Variants in JAKMIP1 observed in about 807,000 individuals in gnomAD.
The protein encoded by JAKMIP1 is janus kinase and microtubule interacting protein 1.
In JAKMIP1, 33 loss-of-function variants were observed where a neutral mutation model predicts 113.0. That is an observed-to-expected ratio of 0.29 (90% confidence interval 0.22 to 0.39). The LOEUF is 0.39. Among genes scored for constraint, JAKMIP1 ranks in the 10% least tolerant of loss-of-function variants. The pLI, the probability that JAKMIP1 is intolerant of heterozygous loss-of-function variation, is 1.00. For synonymous variants in JAKMIP1, 480 were observed against 459.9 expected (o/e 1.04, Z -0.56); for missense variants, 813 against 1,080.5 (o/e 0.75, Z 3.47).
At chr4:6,196,675 A>G (rs1377019360) in intron 1 of JAKMIP1, among the ~76,000 whole-genome samples, 1 of 152,158 alleles carries the variant, frequency 6.6e-6, no homozygotes, top group East Asian at 1.9e-4. Context: ...CCTGGTTAAC[A>G]TGGTGAAACC....
chr4:6,119,722 C>G (rs958222481), intron 1 of JAKMIP1, among the ~76,000 whole-genome samples: 1 of 152,222 alleles, frequency 6.6e-6, no homozygotes, highest in Non-Finnish European at 1.5e-5. Flanking sequence ...CCCGGCTGAA[C>G]AGGGCTGCTC....
At position 6,168,385 on chromosome 4, in the gene JAKMIP1, A is replaced by G. The variant is rs1723922700; in HGVS notation, c.-148+31868T>C. ...TCCTAACACCCAACATGTGAACACA[A>G]CCCAAATGTGCATCAGTTACAGATG... On this transcript the variant is annotated intron_variant, in intron 1 of 20. Coordinates refer to ENST00000409021, the MANE Select transcript of JAKMIP1 (RefSeq NM_001099433.2). This position sits in a 1 kb window ranked among gnomAD's most constrained non-coding sequence, Gnocchi z 4.6. Among the ~76,000 whole-genome samples the G allele has an allele frequency of 6.6e-6, 1 of 152,196 alleles. No homozygotes were observed. Among genetic ancestry groups the G allele is most frequent in the African/African-American group, 2.4e-5 (1 of 41,450 alleles).
rs904538602 is a variant in JAKMIP1 at position 6,162,663 on chromosome 4, G to A, written c.-148+37590C>T. On this transcript the variant is annotated intron_variant, in intron 1 of 20. Coordinates refer to ENST00000409021, the MANE Select transcript of JAKMIP1 (RefSeq NM_001099433.2). The surrounding 1 kb of genome is among the most constrained non-coding windows in gnomAD (Gnocchi z 5.6). ...CATCTGTTAGCTCCTTAACTGTCAC[G>A]ACAACCTGTTAAGGGCACAGCATTA... Among the ~76,000 whole-genome samples, 3 of 152,136 alleles carry A rather than the reference G, an allele frequency of 2.0e-5. No individual in the cohort carries two copies. Among genetic ancestry groups the A allele is most frequent in the African/African-American group, 4.8e-5 (2 of 41,438 alleles).
Position 6,040,085 on chromosome 4 carries a change from G to A in JAKMIP1, c.2175+554C>T, listed in dbSNP as rs571117809. On this transcript the variant is annotated intron_variant, in intron 18 of 20. Coordinates refer to ENST00000409021, the MANE Select transcript of JAKMIP1 (RefSeq NM_001099433.2). The surrounding 1 kb of genome is among the most constrained non-coding windows in gnomAD (Gnocchi z 5.8). ...TCCACCCCGAAGGAGAATTTCTCTC[G>A]TGCCAGGAGCACTTAGCTTTGAGTG... Among the ~76,000 whole-genome samples the A allele has an allele frequency of 9.2e-5, 14 of 152,276 alleles. No individual in the cohort carries two copies. Among genetic ancestry groups the A allele is most frequent in the South Asian group, 6.2e-4 (3 of 4,828 alleles).
At chr4:6,041,849 C>T (rs893748728) in intron 17 of JAKMIP1, among the ~76,000 whole-genome samples, 4 of 152,194 alleles carry the variant, frequency 2.6e-5, no homozygotes, top group Non-Finnish European at 5.9e-5. Flanking sequence ...AGCTCATGAA[C>T]GCATGACCCT....
chr4:6,190,052 C>A (rs1167887035), intron 1 of JAKMIP1, among the ~76,000 whole-genome samples: 2 of 152,192 alleles, frequency 1.3e-5, no homozygotes, highest in African/African-American at 4.8e-5. Flanking sequence ...TGACTTCATT[C>A]ACTCAATCCT....
rs943562105 is a variant in JAKMIP1 at position 6,094,414 on chromosome 4, G to A, written c.625-8785C>T. ...GCCACTCCTACCCAACTGACAGGAGGAATCGTGCTAAGAAAACAGCCTGGC... is the reference window on the plus strand; with the variant it reads ...GCCACTCCTACCCAACTGACAGGAGAAATCGTGCTAAGAAAACAGCCTGGC... On this transcript the variant is annotated intron_variant, in intron 3 of 20. Transcript: ENST00000409021. This position sits in a 1 kb window ranked among gnomAD's most constrained non-coding sequence, Gnocchi z 4.2. 6.6e-6 allele frequency among the ~76,000 whole-genome samples: 1 copy of A among 152,212 alleles called. No individual in the cohort carries two copies. The highest frequency in any genetic ancestry group is 2.4e-5 in the African/African-American group (1 of 41,470).
Position 6,142,412 on chromosome 4 carries a change from A to C in JAKMIP1, c.-147-29415T>G, listed in dbSNP as rs1720290111. 6.6e-6 allele frequency among the ~76,000 whole-genome samples: 1 copy of C among 152,156 alleles called. No homozygotes were observed. The highest frequency in any genetic ancestry group is 2.1e-4 in the South Asian group (1 of 4,832). On this transcript the variant is annotated intron_variant, in intron 1 of 20. Transcript: ENST00000409021. This position sits in a 1 kb window ranked among gnomAD's most constrained non-coding sequence, Gnocchi z 5.5. ...CCTTCCCGAGTCCAGTGTTTTTTAA[A>C]CGACTGGTTTTTGCACCTCCAGCCA...
intron 1 of JAKMIP1, among the ~76,000 whole-genome samples, chr4:6,148,607 T>A (rs1721165967): frequency 6.6e-6 from 1 of 152,222 alleles, no homozygotes. Context: ...CCTGGTGCGC[T>A]CCCCTTGTGG....
rs1717422653 is a variant in JAKMIP1 at position 6,062,390 on chromosome 4, C to T, written c.1482G>A (p.Glu494=). 1.9e-6 allele frequency: 3 copies of T among 1,613,868 alleles called. No individual in the cohort carries two copies. The highest frequency in any genetic ancestry group is 2.5e-6 in the Non-Finnish European group (3 of 1,180,002). The part of the protein sequence containing the change: ...ADLRFCQLTR[E]YQALQRAYAL... The stretch of plus-strand genomic sequence containing the variant: ...CGTAGGCGCGTTGCAGGGCCTGGTA[C>T]TCCCGGGTCAGCTGGCAGAAGCGCA... Residue 494 remains glutamate (E), a synonymous_variant, in exon 10 of 21, where the codon GAG becomes GAA. Transcript: ENST00000409021.
rs116131078 is a variant in JAKMIP1 at position 6,140,516 on chromosome 4, T to C, written c.-147-27519A>G. Among the ~76,000 whole-genome samples the C allele has an allele frequency of 6.4e-3, 981 of 152,178 alleles. 12 individuals are homozygous for C. Among genetic ancestry groups the C allele is most frequent in the African/African-American group, 0.023 (933 of 41,466 alleles). On this transcript the variant is annotated intron_variant, in intron 1 of 20. Transcript: ENST00000409021. The surrounding 1 kb of genome is among the most constrained non-coding windows in gnomAD (Gnocchi z 9.4). ...CCGATCAGCTTAAGGCCCCTTCCAA[T>C]AATGTGGCTCGGGTCTTTCTGCAGG...
At chr4:6,048,458 G>A (rs754619354) in intron 16 of JAKMIP1, among the ~76,000 whole-genome samples, 8 of 152,378 alleles carry the variant, frequency 5.3e-5, no homozygotes, top group Non-Finnish European at 1.0e-4. Flanking sequence ...CAGTATAACT[G>A]TGTGATGGAG....
At position 6,116,616 on chromosome 4, in the gene JAKMIP1, C is replaced by CA. The variant is rs148310832; in HGVS notation, c.-147-3620dup. On this transcript the variant is annotated intron_variant, in intron 1 of 20. Transcript: ENST00000409021. The surrounding 1 kb of genome is among the most constrained non-coding windows in gnomAD (Gnocchi z 5.1). ...AACTGAAATATCTCTGCAGCCCACC[C>CA]ATCTCTGACATCACATGTCCCCTGT... Among the ~76,000 whole-genome samples, 13,595 of 152,228 alleles carry CA rather than the reference C, an allele frequency of 0.089. 814 individuals carry two copies. Among genetic ancestry groups the CA allele is most frequent in the African/African-American group, 0.17 (7,055 of 41,522 alleles).
Position 6,180,597 on chromosome 4 carries a change from GTT to G in JAKMIP1, c.-148+19654_-148+19655del, listed in dbSNP as rs1170094478. On this transcript the variant is annotated intron_variant, in intron 1 of 20. Coordinates refer to ENST00000409021, the MANE Select transcript of JAKMIP1 (RefSeq NM_001099433.2). The surrounding 1 kb of genome is among the most constrained non-coding windows in gnomAD (Gnocchi z 4.5). ...TAGCTCTCACTGTGTAGCAGGAACT[GTT>G]TCAAACTGTCCAAATTACCTAGTAT... is the stretch of plus-strand genomic sequence containing the variant. 6.6e-6 allele frequency among the ~76,000 whole-genome samples: 1 copy of G among 152,172 alleles called. No homozygotes were observed. The highest frequency in any genetic ancestry group is 1.5e-5 in the Non-Finnish European group (1 of 68,036).
chr4:6,044,116 G>T lies in JAKMIP1; in HGVS notation c.2029-1889C>A, dbSNP rs75235557. 2.0e-5 allele frequency among the ~76,000 whole-genome samples: 3 copies of T among 151,924 alleles called. No homozygotes were observed. Among genetic ancestry groups the T allele is most frequent in the Non-Finnish European group, 4.4e-5 (3 of 67,998 alleles). On this transcript the variant is annotated intron_variant, in intron 16 of 20. Coordinates refer to ENST00000409021, the MANE Select transcript of JAKMIP1 (RefSeq NM_001099433.2). This position sits in a 1 kb window ranked among gnomAD's most constrained non-coding sequence, Gnocchi z 4.4. ...CAGGAAGCCTACCCTGCTTGAGTCC[G>T]TGGGGTCAGCTAACCTCCATGGTGC...
At chr4:6,079,509 G>A (rs925995453) in intron 7 of JAKMIP1, among the ~76,000 whole-genome samples, 6 of 152,298 alleles carry the variant, frequency 3.9e-5, no homozygotes, top group Non-Finnish European at 8.8e-5. Context: ...ACCAGTGCAT[G>A]GAACCATCAC....
In JAKMIP1 at chr4:6,141,350, T is replaced by C. The variant is rs1230543554; in HGVS notation, c.-147-28353A>G. Among the ~76,000 whole-genome samples the C allele has an allele frequency of 1.3e-5, 2 of 151,644 alleles. No individual in the cohort carries two copies. Among genetic ancestry groups the C allele is most frequent in the Non-Finnish European group, 2.9e-5 (2 of 68,014 alleles). On this transcript the variant is annotated intron_variant, in intron 1 of 20. Coordinates refer to ENST00000409021, the MANE Select transcript of JAKMIP1 (RefSeq NM_001099433.2). This position sits in a 1 kb window ranked among gnomAD's most constrained non-coding sequence, Gnocchi z 9.4. Reference sequence around the variant, plus strand: ...ACTTGACAGGCTGAGGCAGGAGAATTGCTTGAACCCGGCAGGCAGAAGTTG... The same window carrying C: ...ACTTGACAGGCTGAGGCAGGAGAATCGCTTGAACCCGGCAGGCAGAAGTTG...
rs185849906 is a variant in JAKMIP1 at position 6,041,639 on chromosome 4, T to C, written c.2097+520A>G. The stretch of plus-strand genomic sequence containing the variant: ...AGCACAGTGCAACCCTGGTTATGTA[T>C]GTAGCATTTCTCATCCCACAACCCA... On this transcript the variant is annotated intron_variant, in intron 17 of 20. Transcript: ENST00000409021. 2.6e-5 allele frequency among the ~76,000 whole-genome samples: 4 copies of C among 152,314 alleles called. No individual in the cohort carries two copies. In the East Asian group the frequency reaches 7.7e-4, roughly 29 times the overall value.
chr4:6,063,821 G>A (rs913771644), intron 9 of JAKMIP1, among the ~76,000 whole-genome samples: 8 of 152,210 alleles, frequency 5.3e-5, no homozygotes, highest in Admixed American at 1.3e-4. Context: ...TGTGGGAGGC[G>A]GACCATTCAG....
Sources: gnomAD v4.1 joint callset for allele counts (sites outside exome capture counted in the v4.1 genomes callset) on GRCh38, gnomAD v4.1.1 for gene constraint, Gnocchi (gnomAD v3.1) non-coding constraint, MANE v1.5 for transcripts, NCBI Gene and HGNC (gene_info 2026-07-23, HGNC 2026-07-21) for gene names.